Variants in CELSR1 observed in about 807,000 individuals in gnomAD.
CELSR1 encodes cadherin EGF LAG seven-pass G-type receptor 1, also known as adhesion G protein-coupled receptor C1.
In CELSR1, 110 loss-of-function variants were observed where a neutral mutation model predicts 249.1. That is an observed-to-expected ratio of 0.44 (90% CI 0.38 to 0.52). The LOEUF is 0.52. Among genes scored for constraint, CELSR1 ranks in the 20% least tolerant of loss-of-function variants. The pLI, the probability that CELSR1 is intolerant of heterozygous loss-of-function variation, is 0.00. For synonymous variants in CELSR1, 2,113 were observed against 1,900.0 expected (o/e 1.11, Z -2.92); for missense variants, 4,109 against 4,296.4 (o/e 0.96, Z 1.22).
rs1457560348 is a variant in CELSR1, at chr22:46,417,259, C to T, written c.4612-5500G>A. On this transcript the variant is annotated intron_variant, in intron 5 of 34. Coordinates refer to ENST00000674500, the MANE Select transcript of CELSR1 (RefSeq NM_001378328.1). This position sits in a 1 kb window ranked among gnomAD's most constrained non-coding sequence, Gnocchi z 4.1. ...CTCGGAGGCAGCCACTGCAGTTCTC[C>T]GAAGCTGCTTGGGAAAGTGGTGGGA... 6.6e-6 allele frequency among the ~76,000 whole-genome samples: 1 copy of T among 152,184 alleles called. No homozygotes were observed. Among genetic ancestry groups the T allele is most frequent in the Non-Finnish European group, 1.5e-5 (1 of 68,032 alleles).
rs372032509 is a variant in CELSR1 at position 46,386,571 on chromosome 22, C to A, written c.6570G>T (p.Ser2190=). 2 of 1,594,812 alleles carry A rather than the reference C, an allele frequency of 1.3e-6. No individual in the cohort carries two copies. Among genetic ancestry groups the A allele is most frequent in the Non-Finnish European group, 1.7e-6 (2 of 1,174,848 alleles). ...TGGCTGGGGCCAGGAGGGCGCTGCC[C>A]GAGTGGATGACGTCCTGGTCAGACA... ...DADFHEDVIH[S]GSALLAPATR... is the part of the protein sequence containing the mutation. Residue 2190 remains serine, a synonymous_variant, in exon 19 of 35, where the codon TCG becomes TCT. Coordinates refer to ENST00000674500, the MANE Select transcript of CELSR1 (RefSeq NM_001378328.1).
chr22:46,454,242 C>T lies in CELSR1; in HGVS notation c.4183+9465G>A, dbSNP rs1408103843. On this transcript the variant is annotated intron_variant, in intron 2 of 34. Transcript: ENST00000674500. The surrounding 1 kb of genome is among the most constrained non-coding windows in gnomAD (Gnocchi z 5.1). ...CCCAGGGCCTCCCGGAGCAGCCCCG[C>T]CCACGCCCCTGAATGCAGGGCTCCT... Among the ~76,000 whole-genome samples, 2 of 152,186 alleles carry T rather than the reference C, an allele frequency of 1.3e-5. No individual in the cohort carries two copies. Among genetic ancestry groups the T allele is most frequent in the African/African-American group, 4.8e-5 (2 of 41,444 alleles).
chr22:46,383,330 T>C (rs1011142514), intron 20 of CELSR1, among the ~76,000 whole-genome samples: 7 of 152,202 alleles, frequency 4.6e-5, no homozygotes, highest in African/African-American at 7.2e-5. Flanking sequence ...TCCTTTTTAT[T>C]TGGGGAAGGT....
intron 1 of CELSR1, among the ~76,000 whole-genome samples, chr22:46,509,809 G>A (rs184199489): frequency 1.1e-4 from 16 of 152,254 alleles, no homozygotes; most frequent in Middle Eastern, 3.4e-3. Flanking sequence ...TAGCAGGTGC[G>A]GCAGGGCAGT....
chr22:46,481,094 G>A (rs765523627), intron 1 of CELSR1, among the ~76,000 whole-genome samples: 19 of 152,064 alleles, frequency 1.2e-4, no homozygotes, highest in Non-Finnish European at 1.2e-4. Context: ...AATTACTTGG[G>A]CATGGTGGTG....
chr22:46,535,612 T>A lies in CELSR1; in HGVS notation c.1559A>T (p.Asn520Ile). Reference sequence around the variant, plus strand: ...CTGGACATCCTCGAAATCCAAGGGGTTGATCACATCCAGGATCCCGCTCAG... The same window carrying A: ...CTGGACATCCTCGAAATCCAAGGGGATGATCACATCCAGGATCCCGCTCAG... ...HSLSGILDVI[N>I]PLDFEDVQKY... Residue 520 changes from asparagine (N) to isoleucine (I), a missense_variant, in exon 1 of 35, where the codon AAC becomes ATC. Transcript: ENST00000674500. The A allele has an allele frequency of 6.2e-7, 1 of 1,613,342 alleles. No homozygotes were observed. Among genetic ancestry groups the A allele is most frequent in the Non-Finnish European group, 8.5e-7 (1 of 1,180,016 alleles).
intron 1 of CELSR1, among the ~76,000 whole-genome samples, chr22:46,515,701 C>T (rs2080619749): frequency 6.6e-6 from 1 of 152,178 alleles, no homozygotes; most frequent in South Asian, 2.1e-4. Context: ...GACTAAGTCA[C>T]TGGGGCCTCC....
chr22:46,386,302 G>A (rs994763474), intron 19 of CELSR1, 100 bp downstream of exon 19: 4 of 1,305,226 alleles, frequency 3.1e-6, no homozygotes, highest in Admixed American at 6.5e-5. Context: ...ATGGCCAAGG[G>A]GGGGCCGGGA....
At chr22:46,478,117 G>C (rs543337178) in intron 1 of CELSR1, among the ~76,000 whole-genome samples, 2 of 152,304 alleles carry the variant, frequency 1.3e-5, no homozygotes, top group African/African-American at 4.8e-5. Context: ...GAGACTCTCA[G>C]CAGGTACCAG....
chr22:46,510,572 A>AG (rs1392249565), intron 1 of CELSR1, among the ~76,000 whole-genome samples: 1 of 152,200 alleles, frequency 6.6e-6, no homozygotes, highest in Non-Finnish European at 1.5e-5. Flanking sequence ...TGGGGGGACG[A>AG]GAGCCGCCTT....
Position 46,391,139 on chromosome 22 carries a change from C to A in CELSR1, c.6250+47G>T. ...CCCACATCTCGACTGGCTCCTCCCA[C>A]AAGGACGCCTGCCTCAGTTCCCTAC... On this transcript the variant is annotated intron_variant, in intron 16 of 34. Coordinates refer to ENST00000674500, the MANE Select transcript of CELSR1 (RefSeq NM_001378328.1). The surrounding 1 kb of genome is among the most constrained non-coding windows in gnomAD (Gnocchi z 4.3). 6.6e-7 allele frequency: 1 copy of A among 1,506,492 alleles called. No homozygotes were observed. The highest frequency in any genetic ancestry group is 9.1e-7 in the Non-Finnish European group (1 of 1,093,590). The allele number at this position is 1,506,492 out of a possible 1,614,324, so 93.3% of individuals were successfully genotyped here.
In CELSR1 at chr22:46,409,354, A is replaced by C. The variant is rs979301702; in HGVS notation, c.5060-192T>G. Among the ~76,000 whole-genome samples the C allele has an allele frequency of 3.3e-5, 5 of 152,080 alleles. No individual in the cohort carries two copies. Among genetic ancestry groups the C allele is most frequent in the Admixed American group, 1.3e-4 (2 of 15,278 alleles). On this transcript the variant is annotated intron_variant, in intron 8 of 34. Coordinates refer to ENST00000674500, the MANE Select transcript of CELSR1 (RefSeq NM_001378328.1). This position sits in a 1 kb window ranked among gnomAD's most constrained non-coding sequence, Gnocchi z 9.8. ...AGCCACGTGGGCTCCAGAGAAGCGC[A>C]CCCTGGGACGTGAGCCTCCTTGCTG... is the stretch of plus-strand genomic sequence containing the variant.
intron 1 of CELSR1, among the ~76,000 whole-genome samples, chr22:46,475,029 A>C (rs2080194033): frequency 6.6e-6 from 1 of 152,126 alleles, no homozygotes; most frequent in Admixed American, 6.6e-5. Flanking sequence ...TAGAGCTTCA[A>C]ATCATTCAAA....
intron 22 of CELSR1, among the ~76,000 whole-genome samples, chr22:46,379,302 G>T (rs1252907482): frequency 6.6e-6 from 1 of 152,152 alleles, no homozygotes; most frequent in Non-Finnish European, 1.5e-5. Context: ...GTGTTATAAG[G>T]TGTGTCTCAG....
At chr22:46,466,116 C>T (rs966791234) in intron 1 of CELSR1, among the ~76,000 whole-genome samples, 1 of 152,162 alleles carries the variant, frequency 6.6e-6, no homozygotes, top group South Asian at 2.1e-4. Context: ...GCCCAGAGGG[C>T]GTCCGCAGAG....
Position 46,377,118 on chromosome 22 carries a change from C to A in CELSR1, c.7527G>T (p.Val2509=), listed in dbSNP as rs1255324476. The part of the protein sequence containing the change: ...NLHSIHKHLA[V]ALFLSQLVFV... Reference sequence around the variant, plus strand: ...ACACCAGCTGAGAGAGGAAGAGCGCCACGGCGAGGTGCTTGTGAATGCTGT... The same window carrying A: ...ACACCAGCTGAGAGAGGAAGAGCGCAACGGCGAGGTGCTTGTGAATGCTGT... The change falls in exon 24 of 35, where the codon GTG becomes GTT. Residue 2509 remains valine, a synonymous_variant. Transcript: ENST00000674500. The A allele has an allele frequency of 1.2e-6, 2 of 1,613,698 alleles. No individual in the cohort carries two copies. The highest frequency in any genetic ancestry group is 8.5e-7 in the Non-Finnish European group (1 of 1,179,908).
Position 46,389,281 on chromosome 22 carries a change from C to T in CELSR1, c.6555+9G>A, listed in dbSNP as rs1384710659. 1 of 1,602,490 alleles carries T rather than the reference C, an allele frequency of 6.2e-7. No homozygotes were observed. Among genetic ancestry groups the T allele is most frequent in the South Asian group, 1.1e-5 (1 of 90,984 alleles). ...TGTCCCCGAGCCAGGGTGGCGGCCA[C>T]CCGCCTACCTCGTGAAAGTCGGCGT... is the stretch of plus-strand genomic sequence containing the variant. On this transcript the variant is annotated intron_variant, in intron 18 of 34. Coordinates refer to ENST00000674500, the MANE Select transcript of CELSR1 (RefSeq NM_001378328.1).
chr22:46,386,489 G>A lies in CELSR1; in HGVS notation c.6652C>T (p.Arg2218Trp), dbSNP rs775565642. ...TTGCTGAAGTAGCCCTCGAGGCGCCGGAGCAGCTGTGCCGTGCCGCCCTCG... is the reference window on the plus strand; with the variant it reads ...TTGCTGAAGTAGCCCTCGAGGCGCCAGAGCAGCTGTGCCGTGCCGCCCTCG... ...RSEGGTAQLLRRLEGYFSNVA... is the reference protein window; with the variant it reads ...RSEGGTAQLLWRLEGYFSNVA... Residue 2218 changes from arginine (R) to tryptophan (W), a missense_variant, in exon 19 of 35, where the codon CGG becomes TGG. Coordinates refer to ENST00000674500, the MANE Select transcript of CELSR1 (RefSeq NM_001378328.1). The A allele has an allele frequency of 1.8e-5, 29 of 1,599,600 alleles. No individual in the cohort carries two copies. The highest frequency in any genetic ancestry group is 1.8e-4 in the Middle Eastern group (1 of 5,494).
In CELSR1 at chr22:46,413,588, T is replaced by C. The variant is rs1475946188; in HGVS notation, c.4612-1829A>G. ...TTTCCCACACGCCCTTGTCTGTAAA[T>C]CCAAGGGAGGCTTCTACCATGACCC... is the stretch of plus-strand genomic sequence containing the variant. On this transcript the variant is annotated intron_variant, in intron 5 of 34. Coordinates refer to ENST00000674500, the MANE Select transcript of CELSR1 (RefSeq NM_001378328.1). This position sits in a 1 kb window ranked among gnomAD's most constrained non-coding sequence, Gnocchi z 4.7. 2.6e-5 allele frequency among the ~76,000 whole-genome samples: 4 copies of C among 152,200 alleles called. No homozygotes were observed. The highest frequency in any genetic ancestry group is 9.7e-5 in the African/African-American group (4 of 41,432).
Sources: allele counts gnomAD v4.1 joint callset (sites outside exome capture counted in the v4.1 genomes callset), GRCh38; gene constraint gnomAD v4.1.1; non-coding constraint Gnocchi (gnomAD v3.1); transcripts MANE v1.5; gene names NCBI Gene and HGNC (gene_info 2026-07-23, HGNC 2026-07-21).